The following MAPK6 variants were observed in gnomAD, a reference collection of about 807,000 sequenced individuals.
MAPK6 encodes the protein mitogen-activated protein kinase 6, also known as ERK-3.
MAPK6 carries 19 observed loss-of-function variants against 59.3 expected under a neutral mutation model. The observed-to-expected ratio is 0.32, with a 90% CI of 0.22 to 0.47. The LOEUF (loss-of-function observed/expected upper bound fraction) is 0.47. Ranked by LOEUF, MAPK6 falls within the 20% of genes least tolerant of loss-of-function variation. MAPK6 has a pLI of 1.00. For synonymous variants in MAPK6, 316 were observed against 290.3 expected, an observed-to-expected ratio of 1.09 and a Z score of -0.90; for missense variants, 724 against 847.9, an observed-to-expected ratio of 0.85 and a Z score of 1.81.
intron 3 of MAPK6, among the ~76,000 whole-genome samples, chr15:52,052,574 TC>T (rs141588088): frequency 0.31 from 46,632 of 152,040 alleles, 8,226 homozygotes; most frequent in Non-Finnish European, 0.39. Context: ...ATTTCCTCTT[TC>T]CCCCAGCCCC....
intron 1 of MAPK6, among the ~76,000 whole-genome samples, chr15:51,973,459 G>A (rs2057145861): frequency 6.6e-6 from 1 of 151,540 alleles, no homozygotes; most frequent in Non-Finnish European, 1.5e-5. Context: ...CTCCTGCCTC[G>A]GCCTCCTAAC....
Position 52,058,610 on chromosome 15 carries a change from TTTTG to T in MAPK6, c.701-15_701-12del, listed in dbSNP as rs780038349. On this transcript the variant is annotated intron_variant, in intron 3 of 5. Transcript: ENST00000261845. The stretch of plus-strand genomic sequence containing the variant: ...TAAGTAAACATTGAGGAATGTGTTT[TTTTG>T]TTTGTTTTTTAACCTCAGGTGCACA... The T allele has an allele frequency of 2.1e-4, 325 of 1,567,700 alleles. 1 individual carries two copies. In the East Asian group the frequency reaches 2.1e-3, roughly 10 times the overall value.
At chr15:52,053,987 T>C (rs940017361) in intron 3 of MAPK6, among the ~76,000 whole-genome samples, 28 of 151,968 alleles carry the variant, frequency 1.8e-4, no homozygotes, top group Non-Finnish European at 5.9e-5. Context: ...TTTTGTCTCT[T>C]TTGTTTTTGG....
chr15:51,982,166 C>T (rs778178874), intron 1 of MAPK6, among the ~76,000 whole-genome samples: 1 of 152,168 alleles, frequency 6.6e-6, no homozygotes, highest in Non-Finnish European at 1.5e-5. Context: ...CTGAAAATTT[C>T]ACTTTACAGC....
chr15:52,015,479 ATTT>A (rs563240004), upstream of MAPK6, among the ~76,000 whole-genome samples: 2 of 134,832 alleles, frequency 1.5e-5, no homozygotes, highest in Admixed American at 7.4e-5. Flanking sequence ...ACAGAATGGG[ATTT>A]TTTTTTTTTT....
rs1316872383 is a variant in MAPK6 at position 52,046,734 on chromosome 15, A to G, written c.274A>G (p.Thr92Ala). ...EILGPSGSQLTDDVGSLTELN... is the reference protein window; with the variant it reads ...EILGPSGSQLADDVGSLTELN... ...TCTTGGTCCCAGTGGAAGCCAATTA[A>G]CAGACGATGTGGGCTCTCTTACGGA... The change falls in exon 2 of 6, where the codon ACA becomes GCA. Residue 92 changes from threonine to alanine, a missense_variant. By Grantham distance (58) the Thr-to-Ala change is moderately conservative (BLOSUM62 0). This residue lies in a region of MAPK6 where 87 missense variants were observed against 93.0 expected (regional missense o/e 0.93). Coordinates refer to ENST00000261845, the MANE Select transcript of MAPK6 (RefSeq NM_002748.4). The G allele has an allele frequency of 4.3e-6, 7 of 1,614,108 alleles. No homozygotes were observed. The highest frequency in any genetic ancestry group is 5.9e-6 in the Non-Finnish European group (7 of 1,180,046).
intron 1 of MAPK6, among the ~76,000 whole-genome samples, chr15:51,976,588 A>C (rs2057158132): frequency 6.6e-6 from 1 of 151,880 alleles, no homozygotes; most frequent in African/African-American, 2.4e-5. Context: ...AGAATCTGGA[A>C]TTAAAATGTT....
chr15:52,046,517 G>A lies in MAPK6; in HGVS notation c.57G>A (p.Arg19=), dbSNP rs1485388341. Residue 19 remains arginine (R), a synonymous_variant, in exon 2 of 6, where the codon AGG becomes AGA. Transcript: ENST00000261845. ...MNIHGFDLGS[R]YMDLKPLGCG... ...TTCATGGTTTTGATCTGGGTTCTAGGTATATGGACTTAAAACCATTGGGTT... is the reference window on the plus strand; with the variant it reads ...TTCATGGTTTTGATCTGGGTTCTAGATATATGGACTTAAAACCATTGGGTT... 2 of 1,613,942 alleles carry A rather than the reference G, an allele frequency of 1.2e-6. No homozygotes were observed. Among genetic ancestry groups the A allele is most frequent in the African/African-American group, 2.7e-5 (2 of 75,048 alleles).
chr15:52,028,459 T>C (rs187157030), intron 1 of MAPK6, among the ~76,000 whole-genome samples: 2 of 152,310 alleles, frequency 1.3e-5, no homozygotes, highest in Non-Finnish European at 2.9e-5. Context: ...GGATTATCTT[T>C]ATTAATATGC....
At chr15:52,015,563 C>G (rs146434196), upstream of MAPK6, among the ~76,000 whole-genome samples, 10 of 150,904 alleles carry the variant, frequency 6.6e-5, no homozygotes, top group Non-Finnish European at 1.2e-4. Flanking sequence ...CTGCAGCCTC[C>G]GCCTCCCGGG....
At chr15:51,991,185 A>G (rs565850618) in intron 2 of MAPK6, among the ~76,000 whole-genome samples, 10 of 151,998 alleles carry the variant, frequency 6.6e-5, no homozygotes, top group Admixed American at 5.3e-4. Flanking sequence ...ACACACATAT[A>G]TATATGTATA....
intron 2 of MAPK6, among the ~76,000 whole-genome samples, chr15:51,993,955 A>T (rs1416343779): frequency 1.3e-5 from 2 of 150,990 alleles, no homozygotes; most frequent in Non-Finnish European, 3.0e-5. Flanking sequence ...CTTTTTATTT[A>T]TTTATTTATT....
intron 3 of MAPK6, among the ~76,000 whole-genome samples, chr15:52,052,212 T>C (rs943308259): frequency 1.2e-4 from 18 of 152,178 alleles, no homozygotes; most frequent in African/African-American, 4.3e-4. Context: ...CCTGAAGTCT[T>C]GACCAAGGCA....
At chr15:52,014,582 C>A (rs1224999288), upstream of MAPK6, among the ~76,000 whole-genome samples, 1 of 151,494 alleles carries the variant, frequency 6.6e-6, no homozygotes, top group Non-Finnish European at 1.5e-5. Flanking sequence ...TGGTGCATGC[C>A]TGTAGTCCTA....
intron 3 of MAPK6, among the ~76,000 whole-genome samples, chr15:52,012,472 T>C (rs1317385867): frequency 3.9e-5 from 6 of 152,188 alleles, no homozygotes; most frequent in African/African-American, 1.4e-4. Context: ...TTTACCCTTA[T>C]TGTCACATTA....
chr15:52,053,076 T>A (rs995611918), intron 3 of MAPK6, among the ~76,000 whole-genome samples: 4 of 150,664 alleles, frequency 2.7e-5, no homozygotes, highest in African/African-American at 4.9e-5. Flanking sequence ...TGTGGTTTTT[T>A]TTTTTTTTTT....
In MAPK6 at chr15:52,063,882, A is replaced by C; in HGVS notation, c.1068-20A>C. On this transcript the variant is annotated intron_variant, in intron 5 of 5. Coordinates refer to ENST00000261845, the MANE Select transcript of MAPK6 (RefSeq NM_002748.4). ...GAAATCATATACGTAGAATAACGCT[A>C]GTGTATTGATTTTTTTCAGGTATCA... 6.5e-7 allele frequency: 1 copy of C among 1,527,864 alleles called. No individual in the cohort carries two copies. The highest frequency in any genetic ancestry group is 8.8e-7 in the Non-Finnish European group (1 of 1,139,722). 94.6% of individuals were successfully genotyped at this position (1,527,864 alleles called of 1,614,324 possible). A position where few individuals can be genotyped will look rare whatever the true frequency, so the allele number is the denominator to read the frequency against.
At chr15:52,038,533 G>T (rs966198923) in intron 1 of MAPK6, among the ~76,000 whole-genome samples, 5 of 152,186 alleles carry the variant, frequency 3.3e-5, no homozygotes, top group Admixed American at 6.5e-5. Context: ...TGACAGCTAC[G>T]TTGAACTTGT....
At chr15:52,021,503 C>T (rs1037383838) in intron 1 of MAPK6, 1 of 151,624 alleles carries the variant, frequency 6.6e-6, no homozygotes, top group Non-Finnish European at 1.5e-5. Flanking sequence ...TCTTAAATTG[C>T]ATTTTAAAAG....
Sources: allele counts gnomAD v4.1 joint callset (sites outside exome capture counted in the v4.1 genomes callset), GRCh38; gene constraint gnomAD v4.1.1; regional missense constraint gnomAD v4.1.1; transcripts MANE v1.5; gene names NCBI Gene and HGNC (gene_info 2026-07-23, HGNC 2026-07-21).